The following ASPSCR1 variants were observed in gnomAD, a reference collection of about 807,000 sequenced individuals.
The protein encoded by ASPSCR1 is tether containing UBX domain for GLUT4.
A neutral mutation model predicts 68.9 loss-of-function variants in ASPSCR1; 55 were observed. The observed-to-expected ratio is 0.80, with a 90% confidence interval of 0.64 to 1.00. The LOEUF is 1.00. Ranked by LOEUF, ASPSCR1 falls within the 50% of genes least tolerant of loss-of-function variation. The pLI is 0.00. For synonymous variants in ASPSCR1, 352 were observed against 332.6 expected (o/e 1.06, Z -0.63); for missense variants, 765 against 762.2 (o/e 1.00, Z -0.04).
At chr17:82,001,482 G>A (rs530938487) in intron 7 of ASPSCR1, among the ~76,000 whole-genome samples, 56 of 152,302 alleles carry the variant, frequency 3.7e-4, no homozygotes, top group African/African-American at 1.2e-3. Context: ...GCCACCAAGC[G>A]TGGCTGGCAG....
intron 7 of ASPSCR1, among the ~76,000 whole-genome samples, chr17:82,001,298 G>C (rs906200333): frequency 2.0e-5 from 3 of 152,150 alleles, no homozygotes; most frequent in Non-Finnish European, 4.4e-5. Context: ...GGACCCTGAC[G>C]CCGGGCTAGA....
At chr17:82,005,073 C>T (rs1057390557) in intron 7 of ASPSCR1, 2 of 152,280 alleles carry the variant, frequency 1.3e-5, no homozygotes, top group African/African-American at 2.4e-5. Flanking sequence ...CCCCGGCAGC[C>T]GTGGGGCTCT....
rs1242805200 is a variant in ASPSCR1 at position 81,983,161 on chromosome 17, G to A, written c.159-393G>A. Among the ~76,000 whole-genome samples, 1 of 152,196 alleles carries A rather than the reference G, an allele frequency of 6.6e-6. No individual in the cohort carries two copies. The highest frequency in any genetic ancestry group is 1.5e-5 in the Non-Finnish European group (1 of 68,040). Reference sequence around the variant, plus strand: ...CGCCCGGGCAGTCAGGTTTTCTGTGGTGGCTCCAGCCGTGACGGCCGGGGT... The same window carrying A: ...CGCCCGGGCAGTCAGGTTTTCTGTGATGGCTCCAGCCGTGACGGCCGGGGT... On this transcript the variant is annotated intron_variant, in intron 2 of 15. Coordinates refer to ENST00000306739, the MANE Select transcript of ASPSCR1 (RefSeq NM_024083.4). The surrounding 1 kb of genome is among the most constrained non-coding windows in gnomAD (Gnocchi z 4.4).
rs1482334998 is a variant in ASPSCR1, at chr17:81,983,789, T to C, written c.273+121T>C. On this transcript the variant is annotated intron_variant, in intron 3 of 15. Coordinates refer to ENST00000306739, the MANE Select transcript of ASPSCR1 (RefSeq NM_024083.4). This position sits in a 1 kb window ranked among gnomAD's most constrained non-coding sequence, Gnocchi z 4.4. ...GAGGGACATGAGTCTTAGCACCAGT[T>C]CTGCCTTCCCTGGGTTGGGCCCAAA... The C allele has an allele frequency of 1.2e-6, 1 of 810,950 alleles. No individual in the cohort carries two copies. The highest frequency in any genetic ancestry group is 2.0e-6 in the Non-Finnish European group (1 of 507,502). The allele number at this position is 810,950 out of a possible 1,614,324, so 50.2% of individuals were successfully genotyped here. A position where few individuals can be genotyped will look rare whatever the true frequency, so the allele number is the denominator to read the frequency against.
At position 82,009,513 on chromosome 17, in the gene ASPSCR1, G is replaced by C; in HGVS notation, c.1116G>C (p.Val372=). The C allele has an allele frequency of 6.3e-7, 1 of 1,584,920 alleles. No individual in the cohort carries two copies. The highest frequency in any genetic ancestry group is 8.6e-7 in the Non-Finnish European group (1 of 1,166,028). Residue 372 remains valine, a synonymous_variant, in exon 9 of 16, where the codon GTG becomes GTC. Transcript: ENST00000306739. ...AGCGCCTGGAAGAAGCCCCCTTGGT[G>C]ACCAAGGCCTTCAGGGAGGCGCAGA... is the stretch of plus-strand genomic sequence containing the variant. The part of the protein sequence containing the change: ...ERKRLEEAPL[V]TKAFREAQIK...
Position 81,996,669 on chromosome 17 carries a change from G to A in ASPSCR1, c.756G>A (p.Leu252=), listed in dbSNP as rs757483369. Residue 252 remains leucine, a synonymous_variant, in exon 7 of 16, where the codon CTG becomes CTA. Transcript: ENST00000306739. ...CTTTCTCGGGTGGGGGACAGAGACT[G>A]GGGGGCCCTCCTGGGCCCACGAGGC... is the stretch of plus-strand genomic sequence containing the variant. ...FVPFSGGGQR[L]GGPPGPTRPL... is the part of the protein sequence containing the mutation. 1.6e-5 allele frequency: 25 copies of A among 1,609,210 alleles called. No homozygotes were observed. Among genetic ancestry groups the A allele is most frequent in the Non-Finnish European group, 2.1e-5 (25 of 1,176,284 alleles).
In ASPSCR1 at chr17:81,996,546, CTT is replaced by C; in HGVS notation, c.634_635del (p.Leu212GlufsTer56). 4.3e-6 allele frequency: 7 copies of C among 1,612,926 alleles called. No individual in the cohort carries two copies. Among genetic ancestry groups the C allele is most frequent in the Non-Finnish European group, 5.1e-6 (6 of 1,179,646 alleles). On this transcript the variant is annotated frameshift_variant, in exon 7 of 16. Coordinates refer to ENST00000306739, the MANE Select transcript of ASPSCR1 (RefSeq NM_024083.4). LOFTEE classifies it high-confidence loss of function. ...LESGELSRGD[L>X]SRPEDADTSG... ...AATCTGGGGAGCTCAGCCGCGGCGA[CTT>C]GAGCCGTCCGGAGGACGCGGACACC...
rs143225273 is a variant in ASPSCR1 at position 82,013,479 on chromosome 17, GTGCC to G, written c.1353+1213_1353+1216del. ...CTCTCGGGGTGGTGTCCCCGGTGAC[GTGCC>G]TGCCTGCCTGCCTGCCGTCAGAGAG... On this transcript the variant is annotated intron_variant, in intron 12 of 15. Coordinates refer to ENST00000306739, the MANE Select transcript of ASPSCR1 (RefSeq NM_024083.4). 3.4e-3 allele frequency: 525 copies of G among 152,236 alleles called. 3 individuals are homozygous for G. Among genetic ancestry groups the G allele is most frequent in the African/African-American group, 0.011 (448 of 41,496 alleles). The allele number at this position is 152,236 out of a possible 1,614,324, so 9.4% of individuals were successfully genotyped here.
At chr17:82,006,687 C>G (rs1363927890) in intron 7 of ASPSCR1, 2 of 152,306 alleles carry the variant, frequency 1.3e-5, no homozygotes, top group South Asian at 2.1e-4. Context: ...CGGGAATTCC[C>G]CCAGGGGCCA....
rs1457794448 is a variant in ASPSCR1, at chr17:81,996,776, G to T, written c.863G>T (p.Gly288Val). ...GPSKPKKSKS[G>V]QDPQQEQEQE... is the part of the protein sequence containing the mutation. ...TCCAAGCCAAAGAAGTCCAAGTCGG[G>T]CCAGGATCCCCAGCAGGAGCAGGAG... The change falls in exon 7 of 16, where the codon GGC (glycine) becomes GTC (valine). Residue 288 changes from glycine to valine, a missense_variant. Coordinates refer to ENST00000306739, the MANE Select transcript of ASPSCR1 (RefSeq NM_024083.4). 10 of 1,611,858 alleles carry T rather than the reference G, an allele frequency of 6.2e-6. No individual in the cohort carries two copies. The highest frequency in any genetic ancestry group is 3.4e-5 in the Admixed American group (2 of 59,376).
chr17:81,994,505 G>C (rs887865985), intron 4 of ASPSCR1, among the ~76,000 whole-genome samples: 59 of 152,320 alleles, frequency 3.9e-4, no homozygotes, highest in African/African-American at 1.3e-3. Flanking sequence ...CCTCCTGTGC[G>C]GTCCCTGGGC....
rs987426466 is a variant in ASPSCR1, at chr17:82,010,679, G to A, written c.1171-123G>A. On this transcript the variant is annotated intron_variant, in intron 9 of 15. Coordinates refer to ENST00000306739, the MANE Select transcript of ASPSCR1 (RefSeq NM_024083.4). ...CAAAGCCCAGGCCCTGATTGGGGGT[G>A]GCTGCTTCTGCCTGCCTCAGCCCTG... The A allele has an allele frequency of 6.0e-6, 6 of 995,402 alleles. No individual in the cohort carries two copies. The Admixed American group carries it at 9.3e-5, about 15-fold the overall frequency. The allele number at this position is 995,402 out of a possible 1,614,324, so 61.7% of individuals were successfully genotyped here.
Position 81,996,704 on chromosome 17 carries a change from C to G in ASPSCR1, c.791C>G (p.Ser264Ter). 1.2e-6 allele frequency: 2 copies of G among 1,613,598 alleles called. No individual in the cohort carries two copies. The highest frequency in any genetic ancestry group is 1.7e-6 in the Non-Finnish European group (2 of 1,179,966). Residue 264 changes from serine (S) to a stop codon, truncating the protein, a stop_gained, in exon 7 of 16, where the codon TCA becomes TGA. Transcript: ENST00000306739. LOFTEE classifies it high-confidence loss of function. The stretch of plus-strand genomic sequence containing the variant: ...CCTGGGCCCACGAGGCCTCTGACAT[C>G]ATCTTCAGCTAAGTTGCCGAAGTCC... Reference protein sequence around the residue: ...GPPGPTRPLTSSSAKLPKSLS... With the variant: ...GPPGPTRPLT
intron 9 of ASPSCR1, chr17:82,010,086 TG>T (rs1193470524): frequency 3.3e-5 from 9 of 274,712 alleles, no homozygotes; most frequent in African/African-American, 6.3e-5. Context: ...TAATTTTTGT[TG>T]TTTTTTTTTT....
intron 6 of ASPSCR1, 70 bp downstream of exon 6, chr17:81,996,135 G>T: frequency 6.8e-7 from 1 of 1,476,980 alleles, no homozygotes; most frequent in East Asian, 2.4e-5. Context: ...AAGGAAAGGA[G>T]AAAGGACACG....
At chr17:82,014,620 G>A (rs1598437404) in intron 12 of ASPSCR1, 3 of 172,640 alleles carry the variant, frequency 1.7e-5, no homozygotes, top group East Asian at 3.3e-4. Flanking sequence ...CCTCCCTCCC[G>A]GGCGTCTTGA....
Position 81,996,685 on chromosome 17 carries a change from C to T in ASPSCR1, c.772C>T (p.Pro258Ser). 1 of 1,613,368 alleles carries T rather than the reference C, an allele frequency of 6.2e-7. No homozygotes were observed. The highest frequency in any genetic ancestry group is 8.5e-7 in the Non-Finnish European group (1 of 1,179,916). Residue 258 changes from proline to serine, a missense_variant, in exon 7 of 16, where the codon CCC becomes TCC. Transcript: ENST00000306739. ...ACAGAGACTGGGGGGCCCTCCTGGGCCCACGAGGCCTCTGACATCATCTTC... is the reference window on the plus strand; with the variant it reads ...ACAGAGACTGGGGGGCCCTCCTGGGTCCACGAGGCCTCTGACATCATCTTC... ...GGQRLGGPPG[P>S]TRPLTSSSAK... is the part of the protein sequence containing the mutation.
At position 81,987,813 on chromosome 17, in the gene ASPSCR1, C is replaced by G. The variant is rs967100062; in HGVS notation, c.374+2206C>G. Reference sequence around the variant, plus strand: ...AGTGAGCCGAGATCGCACCATTGCACTCTAGCCTGGGTGACAAGAGCAAAA... The same window carrying G: ...AGTGAGCCGAGATCGCACCATTGCAGTCTAGCCTGGGTGACAAGAGCAAAA... On this transcript the variant is annotated intron_variant, in intron 4 of 15. Coordinates refer to ENST00000306739, the MANE Select transcript of ASPSCR1 (RefSeq NM_024083.4). This position sits in a 1 kb window ranked among gnomAD's most constrained non-coding sequence, Gnocchi z 5.6. 6.6e-6 allele frequency among the ~76,000 whole-genome samples: 1 copy of G among 151,442 alleles called. No individual in the cohort carries two copies. The highest frequency in any genetic ancestry group is 1.5e-5 in the Non-Finnish European group (1 of 67,896).
chr17:81,982,660 C>T (rs1181272139), intron 2 of ASPSCR1: 2 of 152,250 alleles, frequency 1.3e-5, no homozygotes, highest in Non-Finnish European at 2.9e-5. Context: ...TCTCCGACAG[C>T]AGCTTGCATT....
Sources: allele counts gnomAD v4.1 joint callset (sites outside exome capture counted in the v4.1 genomes callset), GRCh38; gene constraint gnomAD v4.1.1; non-coding constraint Gnocchi (gnomAD v3.1); transcripts MANE v1.5; gene names NCBI Gene and HGNC (gene_info 2026-07-23, HGNC 2026-07-21).